Variants in ENTREP2 observed in about 807,000 individuals in gnomAD.
ENTREP2 encodes the protein endosomal transmembrane epsin interactor 2.
the ENTREP2 span, among the ~76,000 whole-genome samples, chr15:29,639,260 A>G: frequency 0.046 from 7,032 of 152,176 alleles, 181 homozygotes; most frequent in South Asian, 0.065. Flanking sequence ...GTCCAGAAAA[A>G]AACTGGCCGA....
the ENTREP2 span, among the ~76,000 whole-genome samples, chr15:29,192,916 G>A: frequency 2.0e-5 from 3 of 152,150 alleles, no homozygotes; most frequent in Non-Finnish European, 4.4e-5. Flanking sequence ...ACAGCCATTC[G>A]TGGTATTAAA....
At chr15:29,219,652 T>TATATAC in the ENTREP2 span, among the ~76,000 whole-genome samples, 1 of 80,556 alleles carries the variant, frequency 1.2e-5, no homozygotes, top group Non-Finnish European at 2.7e-5. Context: ...TATATATATA[T>TATATAC]ATATATATAT....
chr15:29,506,494 AG>A, the ENTREP2 span, among the ~76,000 whole-genome samples: 1 of 152,224 alleles, frequency 6.6e-6, no homozygotes, highest in Admixed American at 6.5e-5. Flanking sequence ...AAAAATGTTA[AG>A]GGCAGCCAGA....
the ENTREP2 span, among the ~76,000 whole-genome samples, chr15:29,134,712 C>A: frequency 6.6e-6 from 1 of 152,284 alleles, no homozygotes; most frequent in South Asian, 2.1e-4. Flanking sequence ...GCTTATTCAG[C>A]CAACATGGAA....
chr15:29,326,285 C>T, the ENTREP2 span, among the ~76,000 whole-genome samples: 1 of 152,112 alleles, frequency 6.6e-6, no homozygotes, highest in Non-Finnish European at 1.5e-5. Context: ...AGAAATAAAA[C>T]TGTCTTTGTT....
the ENTREP2 span, among the ~76,000 whole-genome samples, chr15:29,543,484 A>G: frequency 2.4e-4 from 37 of 152,320 alleles, 2 homozygotes; most frequent in South Asian, 7.5e-3. Context: ...AGGCTTAAAA[A>G]AAGACAGCAA....
At chr15:29,516,669 G>A in the ENTREP2 span, among the ~76,000 whole-genome samples, 1 of 152,148 alleles carries the variant, frequency 6.6e-6, no homozygotes, top group Non-Finnish European at 1.5e-5. Context: ...TTTAGAAGAT[G>A]TGAAGCAATT....
the ENTREP2 span, among the ~76,000 whole-genome samples, chr15:29,657,372 C>A: frequency 2.7e-5 from 4 of 148,628 alleles, no homozygotes; most frequent in African/African-American, 9.9e-5. Flanking sequence ...ACAGTTCTTA[C>A]AAATGGCACG....
chr15:29,665,851 T>C, the ENTREP2 span, among the ~76,000 whole-genome samples: 11 of 147,118 alleles, frequency 7.5e-5, no homozygotes, highest in African/African-American at 2.4e-4. Context: ...GTTTACATCA[T>C]CTTTTTTTTT....
At chr15:29,171,435 C>G in the ENTREP2 span, among the ~76,000 whole-genome samples, 3 of 152,166 alleles carry the variant, frequency 2.0e-5, no homozygotes, top group Non-Finnish European at 4.4e-5. Flanking sequence ...CTGTTCACCC[C>G]TGTGCATTCC....
chr15:29,421,725 T>C, the ENTREP2 span, among the ~76,000 whole-genome samples: 3 of 152,320 alleles, frequency 2.0e-5, no homozygotes, highest in African/African-American at 7.2e-5. Flanking sequence ...ATTTTACATT[T>C]AACTTCTTTT....
At chr15:29,398,694 A>G in the ENTREP2 span, among the ~76,000 whole-genome samples, 2 of 152,372 alleles carry the variant, frequency 1.3e-5, no homozygotes, top group South Asian at 4.1e-4. Context: ...ACTGCACTCC[A>G]GCCTGGGTGA....
the ENTREP2 span, among the ~76,000 whole-genome samples, chr15:29,433,223 G>A: frequency 6.6e-6 from 1 of 152,164 alleles, no homozygotes; most frequent in African/African-American, 2.4e-5. Flanking sequence ...TAGCCTAGGA[G>A]GGTAGGTCTC....
the ENTREP2 span, among the ~76,000 whole-genome samples, chr15:29,140,444 T>C: frequency 6.6e-6 from 1 of 152,158 alleles, no homozygotes; most frequent in South Asian, 2.1e-4. Context: ...ACCACAGCTG[T>C]TTTTAAATCA....
the ENTREP2 span, among the ~76,000 whole-genome samples, chr15:29,160,692 G>A: frequency 3.3e-5 from 4 of 120,070 alleles, no homozygotes; most frequent in Admixed American, 1.0e-4. Flanking sequence ...CTGGGTGACA[G>A]AGTGAGACTC....
At chr15:29,199,402 C>G in the ENTREP2 span, among the ~76,000 whole-genome samples, 7 of 152,078 alleles carry the variant, frequency 4.6e-5, no homozygotes, top group Non-Finnish European at 8.8e-5. Flanking sequence ...AAAGGATGTC[C>G]TAGCATGGTA....
chr15:29,623,174 G>T, the ENTREP2 span, among the ~76,000 whole-genome samples: 2 of 152,136 alleles, frequency 1.3e-5, no homozygotes, highest in Non-Finnish European at 2.9e-5. Flanking sequence ...TTTTTCGGTA[G>T]CTCCTGGGGC....
the ENTREP2 span, among the ~76,000 whole-genome samples, chr15:29,161,455 A>G: frequency 6.6e-6 from 1 of 152,206 alleles, no homozygotes; most frequent in Non-Finnish European, 1.5e-5. Flanking sequence ...CTTGTCTCTG[A>G]ACCAGGAATC....
the ENTREP2 span, among the ~76,000 whole-genome samples, chr15:29,640,896 CTCTTA>C: frequency 6.6e-6 from 1 of 152,122 alleles, no homozygotes; most frequent in African/African-American, 2.4e-5. Flanking sequence ...AGACCAGTAT[CTCTTA>C]TGAGTACAGA....
Sources: allele counts gnomAD v4.1 joint callset (sites outside exome capture counted in the v4.1 genomes callset), GRCh38; gene constraint gnomAD v4.1.1; transcripts MANE v1.5; gene names NCBI Gene and HGNC (gene_info 2026-07-23, HGNC 2026-07-21).